The following MARCHF1 variants were observed in gnomAD, a reference collection of about 807,000 sequenced individuals.
MARCHF1 encodes the protein membrane associated ring-CH-type finger 1.
In MARCHF1, 40 loss-of-function variants were observed where a neutral mutation model predicts 54.2. The observed-to-expected ratio is 0.74, with a 90% CI of 0.57 to 0.96. MARCHF1 has a LOEUF of 0.96. Ranked by LOEUF, MARCHF1 falls within the 40% of genes least tolerant of loss-of-function variation. The probability of loss-of-function intolerance (pLI) is 0.00; values close to 1 mark genes in which losing one functional copy is unlikely to be tolerated. For synonymous variants in MARCHF1, 236 were observed against 236.3 expected, an observed-to-expected ratio of 1.00 and a Z score of 0.01; for missense variants, 586 against 656.5, an observed-to-expected ratio of 0.89 and a Z score of 1.17.
chr4:164,024,297 G>A (rs182066890), intron 2 of MARCHF1, among the ~76,000 whole-genome samples: 98 of 152,118 alleles, frequency 6.4e-4, no homozygotes, highest in African/African-American at 2.3e-3. Context: ...GATTCTCCAA[G>A]GTCAACGTGA....
intron 5 of MARCHF1, among the ~76,000 whole-genome samples, chr4:163,640,754 G>A (rs1358330519): frequency 1.3e-5 from 2 of 150,612 alleles, no homozygotes; most frequent in African/African-American, 2.5e-5. Context: ...TCTTATACAG[G>A]ATTATTGACA....
intron 1 of MARCHF1, among the ~76,000 whole-genome samples, chr4:164,185,470 C>G (rs1265003105): frequency 1.3e-5 from 2 of 152,100 alleles, no homozygotes; most frequent in Non-Finnish European, 2.9e-5. Flanking sequence ...TTACCATATA[C>G]TAGCAAAACA....
At chr4:164,374,986 T>C (rs1731146608) in intron 1 of MARCHF1, among the ~76,000 whole-genome samples, 1 of 152,152 alleles carries the variant, frequency 6.6e-6, no homozygotes, top group Non-Finnish European at 1.5e-5. Context: ...TTGGGTTCCA[T>C]GAAAACAAAA....
intron 1 of MARCHF1, among the ~76,000 whole-genome samples, chr4:164,263,378 A>G (rs1052885069): frequency 1.5e-4 from 23 of 152,136 alleles, no homozygotes; most frequent in Non-Finnish European, 2.8e-4. Context: ...AAAGATTTAA[A>G]TTACATTTTC....
intron 4 of MARCHF1, among the ~76,000 whole-genome samples, chr4:163,706,709 A>C (rs1313172675): frequency 3.9e-5 from 6 of 152,028 alleles, no homozygotes; most frequent in Admixed American, 6.6e-5. Flanking sequence ...AATCTTCAAT[A>C]GAATTTATTT....
At chr4:163,910,802 A>G (rs916130495) in intron 3 of MARCHF1, among the ~76,000 whole-genome samples, 1 of 152,144 alleles carries the variant, frequency 6.6e-6, no homozygotes, top group African/African-American at 2.4e-5. Context: ...CAGCCCAAAT[A>G]GTAATCTTCT....
At chr4:164,140,879 C>G (rs1756515942) in intron 1 of MARCHF1, among the ~76,000 whole-genome samples, 1 of 152,184 alleles carries the variant, frequency 6.6e-6, no homozygotes, top group African/African-American at 2.4e-5. Flanking sequence ...CATCCTTACT[C>G]AACTAACCTG....
intron 4 of MARCHF1, among the ~76,000 whole-genome samples, chr4:163,779,193 CCTT>C (rs1367415481): frequency 6.6e-6 from 1 of 152,114 alleles, no homozygotes; most frequent in African/African-American, 2.4e-5. Flanking sequence ...TAAAATCTCT[CCTT>C]CTGTCTTTTT....
At chr4:163,903,057 A>G (rs751383381) in intron 3 of MARCHF1, among the ~76,000 whole-genome samples, 1 of 152,102 alleles carries the variant, frequency 6.6e-6, no homozygotes, top group Non-Finnish European at 1.5e-5. Flanking sequence ...ATCATTCCTA[A>G]TAACTACCCA....
intron 1 of MARCHF1, among the ~76,000 whole-genome samples, chr4:164,215,916 G>T (rs1054087171): frequency 1.3e-5 from 2 of 152,120 alleles, no homozygotes; most frequent in Non-Finnish European, 2.9e-5. Context: ...TATTTAAAAA[G>T]ATAAAATTGT....
At chr4:163,625,948 G>C (rs1439564204) in intron 5 of MARCHF1, among the ~76,000 whole-genome samples, 2 of 152,130 alleles carry the variant, frequency 1.3e-5, no homozygotes, top group Non-Finnish European at 2.9e-5. Context: ...TTTGCTAGTT[G>C]GTACATTACG....
At chr4:163,609,487 T>A (rs754564819) in intron 7 of MARCHF1, among the ~76,000 whole-genome samples, 5 of 151,974 alleles carry the variant, frequency 3.3e-5, no homozygotes, top group Non-Finnish European at 5.9e-5. Flanking sequence ...ATTGTCCTAG[T>A]ACTCTACTCA....
chr4:164,101,865 A>T (rs1755570536), intron 2 of MARCHF1, among the ~76,000 whole-genome samples: 1 of 151,974 alleles, frequency 6.6e-6, no homozygotes, highest in South Asian at 2.1e-4. Context: ...AAAACTTTGA[A>T]AAAAAATTTA....
intron 9 of MARCHF1, among the ~76,000 whole-genome samples, chr4:163,543,361 T>G (rs1227736968): frequency 6.6e-6 from 1 of 151,830 alleles, no homozygotes; most frequent in Non-Finnish European, 1.5e-5. Flanking sequence ...GTGATTGATT[T>G]AAGGTAGAAG....
At chr4:163,913,322 T>C (rs1751236617) in intron 3 of MARCHF1, among the ~76,000 whole-genome samples, 1 of 152,170 alleles carries the variant, frequency 6.6e-6, no homozygotes, top group Non-Finnish European at 1.5e-5. Flanking sequence ...TTTCTGTGCC[T>C]CCAAAGAGGG....
At chr4:163,997,956 A>G (rs1397950887) in intron 2 of MARCHF1, among the ~76,000 whole-genome samples, 5 of 149,278 alleles carry the variant, frequency 3.3e-5, no homozygotes, top group African/African-American at 1.2e-4. Flanking sequence ...ACACACACAC[A>G]CGTAGATTCT....
intron 7 of MARCHF1, among the ~76,000 whole-genome samples, chr4:163,608,154 T>C (rs1741204805): frequency 6.6e-6 from 1 of 152,142 alleles, no homozygotes; most frequent in African/African-American, 2.4e-5. Flanking sequence ...TTAATCATAA[T>C]AATGCCTATA....
chr4:164,099,889 T>A (rs1755501519), intron 2 of MARCHF1, among the ~76,000 whole-genome samples: 1 of 152,150 alleles, frequency 6.6e-6, no homozygotes, highest in Non-Finnish European at 1.5e-5. Context: ...TAGCAAGTGA[T>A]AATAATTATG....
intron 9 of MARCHF1, among the ~76,000 whole-genome samples, chr4:163,540,791 G>T (rs1017310731): frequency 6.6e-6 from 1 of 152,210 alleles, no homozygotes; most frequent in African/African-American, 2.4e-5. Context: ...GGAGGCTGAG[G>T]CGAGCAGATC....
Sources: allele counts gnomAD v4.1 joint callset (sites outside exome capture counted in the v4.1 genomes callset), GRCh38; gene constraint gnomAD v4.1.1; transcripts MANE v1.5; gene names NCBI Gene and HGNC (gene_info 2026-07-23, HGNC 2026-07-21).